Variants in MAPK4 observed in about 807,000 individuals in gnomAD.
The protein encoded by MAPK4 is mitogen-activated protein kinase 4.
MAPK4 carries 22 observed loss-of-function variants against 47.7 expected under a neutral mutation model. That is an observed-to-expected ratio of 0.46 (90% CI 0.33 to 0.66). The LOEUF is 0.66. Ranked by LOEUF, MAPK4 falls within the 30% of genes least tolerant of loss-of-function variation. The pLI is 0.02. For synonymous variants in MAPK4, 390 were observed against 365.7 expected (o/e 1.07, Z -0.76); for missense variants, 736 against 831.7 (o/e 0.88, Z 1.42).
chr18:50,666,038 C>G (rs540570483), intron 2 of MAPK4, among the ~76,000 whole-genome samples: 16 of 152,282 alleles, frequency 1.1e-4, no homozygotes, highest in African/African-American at 3.9e-4. Flanking sequence ...CCACAAGACT[C>G]TTATATGTGG....
chr18:50,641,462 A>G (rs930839866), intron 1 of MAPK4, among the ~76,000 whole-genome samples: 14 of 152,192 alleles, frequency 9.2e-5, no homozygotes, highest in African/African-American at 3.4e-4. Context: ...ACTCTGTTCT[A>G]TAGATGTTCG....
chr18:50,715,827 T>G lies in MAPK4; in HGVS notation c.691+604T>G, dbSNP rs111801556. 9.9e-3 allele frequency among the ~76,000 whole-genome samples: 1,504 copies of G among 152,368 alleles called. 26 individuals carry two copies. The highest frequency in any genetic ancestry group is 0.033 in the African/African-American group (1,360 of 41,594). On this transcript the variant is annotated intron_variant, in intron 3 of 5. Coordinates refer to ENST00000400384, the MANE Select transcript of MAPK4 (RefSeq NM_002747.4). ...GCCTGAATGGACTTAGACACACTTC[T>G]ACTCAAACATCTTGAGACTGATGGC...
At chr18:50,573,403 C>G (rs1489078580) in intron 1 of MAPK4, among the ~76,000 whole-genome samples, 2 of 152,134 alleles carry the variant, frequency 1.3e-5, no homozygotes, top group Non-Finnish European at 2.9e-5. Flanking sequence ...TGCATGACTG[C>G]CTGAGTCTGC....
intron 5 of MAPK4, 53 bp downstream of exon 5, chr18:50,726,228 A>G (rs368143336): frequency 4.5e-6 from 7 of 1,563,388 alleles, no homozygotes; most frequent in African/African-American, 2.7e-5. Context: ...TCCCATCTCT[A>G]TTTTGCCTCT....
intron 1 of MAPK4, among the ~76,000 whole-genome samples, chr18:50,641,924 G>T (rs749881561): frequency 3.3e-5 from 5 of 152,152 alleles, no homozygotes; most frequent in Non-Finnish European, 7.4e-5. Context: ...TTGGTTTCCT[G>T]TAAGGGTTTG....
chr18:50,679,845 C>G (rs1908482605), intron 2 of MAPK4, among the ~76,000 whole-genome samples: 1 of 152,148 alleles, frequency 6.6e-6, no homozygotes, highest in East Asian at 1.9e-4. Flanking sequence ...AAAGCCTCCT[C>G]CCTGCCCTCC....
chr18:50,640,411 GC>G (rs2042930170), intron 1 of MAPK4, among the ~76,000 whole-genome samples: 1 of 150,626 alleles, frequency 6.6e-6, no homozygotes, highest in Non-Finnish European at 1.5e-5. Flanking sequence ...TTATATGGAT[GC>G]CCTTACCAAA....
chr18:50,585,057 A>G (rs919059093), intron 1 of MAPK4, among the ~76,000 whole-genome samples: 46 of 152,352 alleles, frequency 3.0e-4, no homozygotes, highest in African/African-American at 1.0e-3. Flanking sequence ...AAATTGTGTT[A>G]TAATGCTAAA....
chr18:50,589,054 G>A (rs1030249074), intron 1 of MAPK4, among the ~76,000 whole-genome samples: 1 of 152,148 alleles, frequency 6.6e-6, no homozygotes, highest in Non-Finnish European at 1.5e-5. Flanking sequence ...ATGCATGATG[G>A]ATTTTTTAAA....
Position 50,702,851 on chromosome 18 carries a change from C to T in MAPK4, c.547-12228C>T, listed in dbSNP as rs1394932028. On this transcript the variant is annotated intron_variant, in intron 2 of 5. Coordinates refer to ENST00000400384, the MANE Select transcript of MAPK4 (RefSeq NM_002747.4). ...CAGAGTACCACAAACAGGGCCGGAC[C>T]TACTGGAAACACTTTATAAAGGCCT... 2.6e-5 allele frequency among the ~76,000 whole-genome samples: 4 copies of T among 152,172 alleles called. No individual in the cohort carries two copies. The East Asian group carries it at 7.7e-4, about 29-fold the overall frequency.
chr18:50,693,258 CA>C (rs201173695), intron 2 of MAPK4, among the ~76,000 whole-genome samples: 11 of 150,404 alleles, frequency 7.3e-5, no homozygotes, highest in East Asian at 3.9e-4. Context: ...GACTCTATCT[CA>C]AAAAAAAAGA....
chr18:50,665,251 C>T (rs1339104448), intron 2 of MAPK4, among the ~76,000 whole-genome samples: 4 of 152,166 alleles, frequency 2.6e-5, no homozygotes, highest in Non-Finnish European at 5.9e-5. Flanking sequence ...CCTCCTCTTA[C>T]CTGATCCATT....
chr18:50,707,660 T>C (rs954561871), intron 2 of MAPK4, among the ~76,000 whole-genome samples: 1 of 151,996 alleles, frequency 6.6e-6, no homozygotes, highest in African/African-American at 2.4e-5. Flanking sequence ...CTGAACCGTA[T>C]GCTTAACAGT....
At chr18:50,587,851 C>G (rs1405952684) in intron 1 of MAPK4, among the ~76,000 whole-genome samples, 1 of 152,116 alleles carries the variant, frequency 6.6e-6, no homozygotes. Flanking sequence ...GCCTTAGCTT[C>G]CCAAGTAGCT....
chr18:50,585,677 T>C (rs540555079), intron 1 of MAPK4, among the ~76,000 whole-genome samples: 1 of 152,300 alleles, frequency 6.6e-6, no homozygotes, highest in East Asian at 1.9e-4. Flanking sequence ...TAAGTAGATA[T>C]ATTAGTCCGC....
chr18:50,598,737 A>T (rs879435004), intron 1 of MAPK4, among the ~76,000 whole-genome samples: 2 of 152,174 alleles, frequency 1.3e-5, no homozygotes, highest in Non-Finnish European at 2.9e-5. Flanking sequence ...CTTAGTTGTC[A>T]TGTCTCCTCC....
chr18:50,641,755 A>G (rs2042943074), intron 1 of MAPK4, among the ~76,000 whole-genome samples: 1 of 152,254 alleles, frequency 6.6e-6, no homozygotes, highest in Non-Finnish European at 1.5e-5. Context: ...AATAAACTAG[A>G]TAATTATTAC....
chr18:50,722,444 C>A (rs958173570), intron 4 of MAPK4, among the ~76,000 whole-genome samples: 1 of 152,232 alleles, frequency 6.6e-6, no homozygotes, highest in African/African-American at 2.4e-5. Context: ...GCTTCCTCAG[C>A]CTGAGGGCAA....
Position 50,695,075 on chromosome 18 carries a change from G to A in MAPK4, c.547-20004G>A, listed in dbSNP as rs151151909. On this transcript the variant is annotated intron_variant, in intron 2 of 5. Transcript: ENST00000400384. ...AGAACATAGACTCAGGCCAGGCACG[G>A]TGGCTCACGCCTATAATACCAGCAC... is the stretch of plus-strand genomic sequence containing the variant. 3.0e-3 allele frequency among the ~76,000 whole-genome samples: 463 copies of A among 152,268 alleles called. 3 individuals are homozygous for A. Among genetic ancestry groups the A allele is most frequent in the Middle Eastern group, 6.8e-3 (2 of 294 alleles).
Sources: allele counts gnomAD v4.1 joint callset (sites outside exome capture counted in the v4.1 genomes callset), GRCh38; gene constraint gnomAD v4.1.1; transcripts MANE v1.5; gene names NCBI Gene and HGNC (gene_info 2026-07-23, HGNC 2026-07-21).